Variants in RABGAP1 observed in about 807,000 individuals in gnomAD.
RABGAP1 encodes rab GTPase-activating protein 1.
In RABGAP1, 23 loss-of-function variants were observed where a neutral mutation model predicts 137.6. The observed-to-expected ratio is 0.17, with a 90% CI of 0.12 to 0.24. The LOEUF is 0.24. Ranked by LOEUF, RABGAP1 falls within the 10% of genes least tolerant of loss-of-function variation. The pLI is 1.00. For missense variants in RABGAP1, 906 were observed against 1,275.8 expected (o/e 0.71, Z 4.42); for synonymous variants, 451 against 450.7 (o/e 1.00, Z -0.01).
intron 13 of RABGAP1, among the ~76,000 whole-genome samples, chr9:123,030,197 G>T (rs1344991545): frequency 6.7e-6 from 1 of 148,858 alleles, no homozygotes; most frequent in Admixed American, 6.6e-5. Flanking sequence ...TGACATTTTG[G>T]GAGTCCATTT....
intron 13 of RABGAP1, among the ~76,000 whole-genome samples, chr9:123,037,241 GTTC>G (rs1257654306): frequency 6.6e-6 from 1 of 152,174 alleles, no homozygotes; most frequent in Non-Finnish European, 1.5e-5. Flanking sequence ...TGATGCCAGT[GTTC>G]TTATGATTTT....
intron 13 of RABGAP1, chr9:123,062,965 T>A (rs1404422707): frequency 1.3e-5 from 2 of 152,198 alleles, no homozygotes; most frequent in Non-Finnish European, 2.9e-5. Flanking sequence ...ATTTTTGTAT[T>A]TGTAGTCAGA....
intron 13 of RABGAP1, among the ~76,000 whole-genome samples, chr9:123,049,103 A>G (rs1450101122): frequency 1.3e-5 from 2 of 152,238 alleles, no homozygotes; most frequent in Non-Finnish European, 2.9e-5. Flanking sequence ...TTTCTGAGGA[A>G]GTCATCTGCT....
At chr9:122,977,433 C>T (rs906880923) in intron 2 of RABGAP1, among the ~76,000 whole-genome samples, 4 of 152,134 alleles carry the variant, frequency 2.6e-5, no homozygotes, top group Non-Finnish European at 4.4e-5. Flanking sequence ...GGGCTGGGTT[C>T]GGTGGCTCAT....
chr9:122,998,265 A>G (rs190921528), intron 9 of RABGAP1, among the ~76,000 whole-genome samples: 1 of 152,054 alleles, frequency 6.6e-6, no homozygotes, highest in East Asian at 1.9e-4. Context: ...ATACCTGGCT[A>G]ATTTTTGTAT....
Position 123,103,409 on chromosome 9 carries a change from G to A in RABGAP1, c.*196G>A. The A allele has an allele frequency of 1.4e-6, 1 of 728,674 alleles. No homozygotes were observed. The highest frequency in any genetic ancestry group is 1.9e-5 in the South Asian group (1 of 51,978). 45.1% of individuals were successfully genotyped at this position (728,674 alleles called of 1,614,324 possible). The stretch of plus-strand genomic sequence containing the variant: ...GGGGTAAGACTACTGATACTAACAG[G>A]CCTGCTAGCTCAGCCGACGCTCTGG... On this transcript the variant is annotated 3_prime_UTR_variant, in exon 26 of 26. Transcript: ENST00000373647.
At position 123,096,600 on chromosome 9, in the gene RABGAP1, G is replaced by A. The variant is rs148686561; in HGVS notation, c.2629-1141G>A. ...TCTCTCTCTTTTGAGACTGAGTCTC[G>A]CACTGTTGCCCAGGCTGGAGTGCAA... On this transcript the variant is annotated intron_variant, in intron 21 of 25. Transcript: ENST00000373647. Among the ~76,000 whole-genome samples, 1,169 of 151,996 alleles carry A rather than the reference G, an allele frequency of 7.7e-3. 16 individuals are homozygous for A. Among genetic ancestry groups the A allele is most frequent in the African/African-American group, 0.026 (1,096 of 41,432 alleles).
intron 4 of RABGAP1, among the ~76,000 whole-genome samples, chr9:122,986,778 GT>G (rs1452269096): frequency 2.6e-5 from 4 of 152,210 alleles, no homozygotes; most frequent in African/African-American, 7.2e-5. Context: ...GAGTTTGAAA[GT>G]TACAAAAATT....
chr9:123,004,326 A>G (rs1057286889), intron 10 of RABGAP1, among the ~76,000 whole-genome samples: 7 of 151,756 alleles, frequency 4.6e-5, no homozygotes, highest in Admixed American at 1.3e-4. Flanking sequence ...TTCACTCTGC[A>G]GCCCAGCCTG....
At chr9:122,996,709 A>T (rs1837038058) in intron 8 of RABGAP1, 104 bp downstream of exon 8, 2 of 968,764 alleles carry the variant, frequency 2.1e-6, no homozygotes, top group African/African-American at 1.6e-5. Context: ...TAAGAAGGTG[A>T]TCTTGTAAGC....
chr9:123,033,298 C>G (rs1281361830), intron 13 of RABGAP1, among the ~76,000 whole-genome samples: 1 of 152,136 alleles, frequency 6.6e-6, no homozygotes, highest in East Asian at 1.9e-4. Flanking sequence ...ATAGAAATTA[C>G]CCCTCTGGTA....
At chr9:123,049,582 G>C (rs2033368832) in intron 13 of RABGAP1, among the ~76,000 whole-genome samples, 1 of 152,164 alleles carries the variant, frequency 6.6e-6, no homozygotes, top group Non-Finnish European at 1.5e-5. Flanking sequence ...TATCACTTAT[G>C]TTTCAAGTAT....
rs1488278657 is a variant in RABGAP1 at position 122,957,621 on chromosome 9, T to C, written c.150+412T>C. 4.5e-4 allele frequency among the ~76,000 whole-genome samples: 68 copies of C among 152,176 alleles called. 2 individuals carry two copies. The highest frequency in any genetic ancestry group is 4.4e-3 in the Admixed American group (68 of 15,282). ...TTTAAATACCTGGCCATTTTTTTTTTTATAATTTCTCAGCCACTATTACTT... is the reference window on the plus strand; with the variant it reads ...TTTAAATACCTGGCCATTTTTTTTTCTATAATTTCTCAGCCACTATTACTT... On this transcript the variant is annotated intron_variant, in intron 2 of 25. Coordinates refer to ENST00000373647, the MANE Select transcript of RABGAP1 (RefSeq NM_012197.4).
chr9:122,974,601 A>T (rs1588197668), intron 2 of RABGAP1, among the ~76,000 whole-genome samples: 1 of 152,056 alleles, frequency 6.6e-6, no homozygotes, highest in Middle Eastern at 3.4e-3. Context: ...AGACCAGCCT[A>T]GGTAACATGA....
rs938751600 is a variant in RABGAP1, at chr9:123,070,092, T to C, written c.1909-258T>C. ...TGAACAACAACAAGGAAATACGAAG[T>C]TTTTTTTAGCGCAGAAGTGGTTTTT... On this transcript the variant is annotated intron_variant, in intron 14 of 25. Coordinates refer to ENST00000373647, the MANE Select transcript of RABGAP1 (RefSeq NM_012197.4). This position sits in a 1 kb window ranked among gnomAD's most constrained non-coding sequence, Gnocchi z 4.4. Among the ~76,000 whole-genome samples, 2 of 151,898 alleles carry C rather than the reference T, an allele frequency of 1.3e-5. No individual in the cohort carries two copies. The highest frequency in any genetic ancestry group is 6.6e-5 in the Admixed American group (1 of 15,250).
chr9:122,990,032 A>G (rs1022120906), intron 5 of RABGAP1, 24 bp from the exon 6 acceptor site: 15 of 1,561,076 alleles, frequency 9.6e-6, no homozygotes, highest in Non-Finnish European at 1.3e-5. Context: ...ATAACAGCCC[A>G]TTTCCTAACA....
intron 13 of RABGAP1, among the ~76,000 whole-genome samples, chr9:123,021,986 T>C (rs10985866): frequency 0.11 from 16,607 of 152,234 alleles, 2,929 homozygotes; most frequent in African/African-American, 0.37. Context: ...TATAGAAAGA[T>C]GGGTACAGCA....
chr9:123,041,442 A>G (rs2032947734), intron 13 of RABGAP1, among the ~76,000 whole-genome samples: 1 of 152,222 alleles, frequency 6.6e-6, no homozygotes, highest in African/African-American at 2.4e-5. Context: ...GGTTACATAC[A>G]TAGTAAGTGT....
chr9:123,072,537 T>TTA (rs1222803607), intron 15 of RABGAP1, among the ~76,000 whole-genome samples: 2 of 152,168 alleles, frequency 1.3e-5, no homozygotes, highest in Non-Finnish European at 2.9e-5. Context: ...TGCCAGAGTG[T>TTA]TATAAGTGCT....
Sources: gnomAD v4.1 joint callset for allele counts (sites outside exome capture counted in the v4.1 genomes callset) on GRCh38, gnomAD v4.1.1 for gene constraint, Gnocchi (gnomAD v3.1) non-coding constraint, MANE v1.5 for transcripts, NCBI Gene and HGNC (gene_info 2026-07-23, HGNC 2026-07-21) for gene names.